The following ATRX variants were observed in gnomAD, a reference collection of about 807,000 sequenced individuals.
ATRX encodes the protein chromatin remodeler ATRX.
ATRX carries 12 observed loss-of-function variants against 172.6 expected under a neutral mutation model. That is an observed-to-expected ratio of 0.07 (90% CI 0.04 to 0.11). The LOEUF is 0.11. ATRX is among the 10% of genes least tolerant of loss of function. ATRX has a pLI of 1.00. For missense variants in ATRX, 1,368 were observed against 1,767.4 expected (o/e 0.77, Z 4.05); for synonymous variants, 674 against 594.7 (o/e 1.13, Z -1.94).
chrX:77,572,253 C>CT (rs1416404823), intron 28 of ATRX, among the ~76,000 whole-genome samples: 3 of 111,107 alleles, frequency 2.7e-5, no homozygotes, highest in Non-Finnish European at 5.7e-5. Context: ...AACTCCAAAA[C>CT]TTTTTGAGTG....
At chrX:77,652,062 G>C in intron 15 of ATRX, 52 bp downstream of exon 15, 2 of 1,185,970 alleles carry the variant, frequency 1.7e-6, no homozygotes, top group South Asian at 1.8e-5. Flanking sequence ...CTGGGCAACA[G>C]AGCAAGACCC....
intron 1 of ATRX, among the ~76,000 whole-genome samples, chrX:77,752,638 T>C (rs1020907613): frequency 1.2e-4 from 13 of 112,011 alleles, no homozygotes; most frequent in African/African-American, 3.9e-4. Context: ...TGAAATATGT[T>C]CCATCAATAC....
At position 77,696,627 on chromosome X, in the gene ATRX, G is replaced by C. The variant is rs782431661; in HGVS notation, c.320C>G (p.Ala107Gly). 8.3e-7 allele frequency: 1 copy of C among 1,199,747 alleles called. No homozygotes were observed. Among genetic ancestry groups the C allele is most frequent in the Non-Finnish European group, 1.1e-6 (1 of 885,230 alleles). ...PLDDETVNEDASNENSENDIT... is the reference protein window; with the variant it reads ...PLDDETVNEDGSNENSENDIT... Reference sequence around the variant, plus strand: ...ATCATTTTCTGAATTTTCATTAGACGCATCTTCATTTACAGTTTCATCATC... The same window carrying C: ...ATCATTTTCTGAATTTTCATTAGACCCATCTTCATTTACAGTTTCATCATC... The change falls in exon 5 of 35, where the codon GCG (alanine) becomes GGG (glycine). Residue 107 changes from alanine (A) to glycine (G), a missense_variant. Ala to Gly is a moderately conservative substitution (Grantham distance 60, BLOSUM62 0). Coordinates refer to ENST00000373344, the MANE Select transcript of ATRX (RefSeq NM_000489.6).
chrX:77,592,811 TC>T (rs1303983299), intron 26 of ATRX, among the ~76,000 whole-genome samples: 7 of 102,200 alleles, frequency 6.8e-5, no homozygotes, highest in Admixed American at 4.2e-4. Flanking sequence ...AAACTCCGTC[TC>T]AAAAAAAAAA....
rs1249977669 is a variant in ATRX at position 77,506,310 on chromosome X, T to C, written c.*2041A>G. 5.8e-6 allele frequency: 1 copy of C among 171,758 alleles called. No individual in the cohort carries two copies. Among genetic ancestry groups the C allele is most frequent in the Non-Finnish European group, 1.1e-5 (1 of 89,828 alleles). The allele number at this position is 171,758 out of a possible 1,213,427, so 14.2% of individuals were successfully genotyped here. A position where few individuals can be genotyped will look rare whatever the true frequency, so the allele number is the denominator to read the frequency against. On this transcript the variant is annotated 3_prime_UTR_variant, in exon 35 of 35. Transcript: ENST00000373344. ...TAAAATGTCAAGTGAGAAGAGTGTA[T>C]ACAAAGTGGTCCAAGTTTTATTTCA...
chrX:77,618,020 A>C (rs1792705570), intron 21 of ATRX, among the ~76,000 whole-genome samples: 1 of 111,748 alleles, frequency 8.9e-6, no homozygotes, highest in African/African-American at 3.3e-5. Context: ...AAAGTGCTGG[A>C]ATTACAGGTG....
intron 1 of ATRX, among the ~76,000 whole-genome samples, chrX:77,740,053 CAAAA>C (rs781860181): frequency 4.3e-5 from 2 of 47,051 alleles, no homozygotes; most frequent in Admixed American, 3.6e-4. Context: ...AACTCCATCC[CAAAA>C]AAAAAAAAAA....
chrX:77,553,142 C>T (rs1195695790), intron 30 of ATRX, among the ~76,000 whole-genome samples: 4 of 111,710 alleles, frequency 3.6e-5, no homozygotes, highest in Non-Finnish European at 3.8e-5. Context: ...AATCCCTCGC[C>T]ATGAATATCA....
intron 1 of ATRX, among the ~76,000 whole-genome samples, chrX:77,766,047 T>C (rs1333769334): frequency 1.8e-5 from 2 of 112,004 alleles, no homozygotes; most frequent in African/African-American, 6.5e-5. Flanking sequence ...GCAGAAGAAT[T>C]TTTCTTAGTA....
intron 28 of ATRX, among the ~76,000 whole-genome samples, chrX:77,563,986 CAAAG>C (rs1393331163): frequency 9.0e-6 from 1 of 110,601 alleles, no homozygotes; most frequent in Non-Finnish European, 1.9e-5. Context: ...TGTCCCAGCT[CAAAG>C]AAAGAGAGAG....
In ATRX at chrX:77,684,010, C is replaced by T. The variant is rs782253905; in HGVS notation, c.1246G>A (p.Glu416Lys). ...HLALEEDLNSEFRAMDAVNKE... is the reference protein window; with the variant it reads ...HLALEEDLNSKFRAMDAVNKE... The stretch of plus-strand genomic sequence containing the variant: ...TTTACAGCATCCATCGCTCGAAACT[C>T]GGAATTTAAGTCTTCTTCCAATGCA... The change falls in exon 9 of 35, where the codon GAG becomes AAG. Residue 416 changes from glutamate to lysine, a missense_variant. By Grantham distance (56) the Glu-to-Lys change is moderately conservative (BLOSUM62 1). Transcript: ENST00000373344. 6.6e-6 allele frequency: 8 copies of T among 1,207,694 alleles called. No homozygotes were observed. Among genetic ancestry groups the T allele is most frequent in the South Asian group, 1.8e-5 (1 of 56,914 alleles).
At chrX:77,522,586 T>C in intron 31 of ATRX, 198 bp from the exon 32 acceptor site, 2 of 428,045 alleles carry the variant, frequency 4.7e-6, no homozygotes, top group Non-Finnish European at 8.0e-6. Flanking sequence ...AAGGTGTACT[T>C]TTTTTTTCTG....
At chrX:77,540,482 A>C (rs939880729) in intron 30 of ATRX, among the ~76,000 whole-genome samples, 1 of 111,850 alleles carries the variant, frequency 8.9e-6, no homozygotes, top group South Asian at 3.7e-4. Flanking sequence ...ATATCTACAG[A>C]ACTCTCCACC....
intron 12 of ATRX, among the ~76,000 whole-genome samples, chrX:77,658,754 T>C (rs782480337): frequency 1.1e-3 from 127 of 111,428 alleles, no homozygotes; most frequent in Non-Finnish European, 2.0e-3. Context: ...CAGGTGCAGT[T>C]TGTAAACCCC....
chrX:77,620,455 T>C lies in ATRX; in HGVS notation c.5212A>G (p.Ile1738Val), dbSNP rs1057523890. The stretch of plus-strand genomic sequence containing the variant: ...AAAATAATCCTCCTCCTTGATCGTA[T>C]AGAATTCATAGCTTTAGAAACAGCA... ...ASAVSKAMNSIRSRRRIILTG... is the reference protein window; with the variant it reads ...ASAVSKAMNSVRSRRRIILTG... Residue 1738 changes from isoleucine (I) to valine (V), a missense_variant, in exon 20 of 35, where the codon ATA (isoleucine) becomes GTA (valine). Transcript: ENST00000373344. The C allele has an allele frequency of 8.3e-7, 1 of 1,207,779 alleles. No individual in the cohort carries two copies. The highest frequency in any genetic ancestry group is 1.1e-6 in the Non-Finnish European group (1 of 891,978).
intron 6 of ATRX, among the ~76,000 whole-genome samples, chrX:77,692,935 G>T (rs1480544050): frequency 2.8e-5 from 3 of 108,210 alleles, no homozygotes; most frequent in Non-Finnish European, 3.8e-5. Context: ...CATCCAGGCT[G>T]CAGTGCAGTG....
chrX:77,671,709 A>C lies in ATRX; in HGVS notation c.3809+4517T>G, dbSNP rs781942341. ...TCAAAGTTAAAGACAAAGGATATTAAGTCAGAAAAATGAATCACTTTTCCT... is the reference window on the plus strand; with the variant it reads ...TCAAAGTTAAAGACAAAGGATATTACGTCAGAAAAATGAATCACTTTTCCT... On this transcript the variant is annotated intron_variant, in intron 10 of 34. Coordinates refer to ENST00000373344, the MANE Select transcript of ATRX (RefSeq NM_000489.6). Among the ~76,000 whole-genome samples, 12 of 111,626 alleles carry C rather than the reference A, an allele frequency of 1.1e-4. No individual in the cohort carries two copies. The South Asian group carries it at 4.1e-3, about 38-fold the overall frequency.
intron 2 of ATRX, among the ~76,000 whole-genome samples, chrX:77,711,449 AG>A (rs2073104318): frequency 8.9e-6 from 1 of 112,757 alleles, no homozygotes; most frequent in Non-Finnish European, 1.9e-5. Context: ...CTGTCTAAGT[AG>A]AAAATCCCAA....
intron 1 of ATRX, among the ~76,000 whole-genome samples, chrX:77,726,479 G>A (rs1175804853): frequency 3.4e-5 from 3 of 89,180 alleles, no homozygotes; most frequent in Non-Finnish European, 6.6e-5. Flanking sequence ...GTCATGGGGT[G>A]GGGGGAGGGG....
Sources: gnomAD v4.1 joint callset for allele counts (sites outside exome capture counted in the v4.1 genomes callset) on GRCh38, gnomAD v4.1.1 for gene constraint, MANE v1.5 for transcripts, NCBI Gene and HGNC (gene_info 2026-07-23, HGNC 2026-07-21) for gene names.